Variants in TTC38 observed in about 807,000 individuals in gnomAD.
TTC38 encodes tetratricopeptide repeat domain 38.
TTC38 carries 64 observed loss-of-function variants against 64.2 expected under a neutral mutation model. The observed-to-expected ratio is 1.00, with a 90% confidence interval of 0.81 to 1.23. The LOEUF (loss-of-function observed/expected upper bound fraction) is 1.23, where lower values mean the gene tolerates loss of function less well. Among genes scored for constraint, TTC38 ranks in the 50% most tolerant of loss-of-function variants. The pLI is 0.00. For missense variants in TTC38, 573 were observed against 615.5 expected (o/e 0.93, Z 0.73); for synonymous variants, 254 against 249.3 (o/e 1.02, Z -0.18).
Position 46,271,209 on chromosome 22 carries a change from A to C in TTC38, c.112-1126A>C, listed in dbSNP as rs1021798361. 4.6e-5 allele frequency among the ~76,000 whole-genome samples: 7 copies of C among 152,168 alleles called. No homozygotes were observed. Among genetic ancestry groups the C allele is most frequent in the Non-Finnish European group, 2.9e-5 (2 of 68,026 alleles). ...GCCGATGTGGAGCAGGTCACCTGTC[A>C]GGAGGAACCTGCCTTTTCTTTCTTT... On this transcript the variant is annotated intron_variant, in intron 2 of 13. Transcript: ENST00000381031. The surrounding 1 kb of genome is among the most constrained non-coding windows in gnomAD (Gnocchi z 5.5).
intron 13 of TTC38, among the ~76,000 whole-genome samples, chr22:46,290,465 G>A (rs1170397837): frequency 2.0e-5 from 3 of 152,032 alleles, no homozygotes; most frequent in African/African-American, 7.3e-5. Flanking sequence ...GCATGGGGCT[G>A]GTAGGAGGGT....
rs2077532200 is a variant in TTC38 at position 46,281,237 on chromosome 22, A to C, written c.616-362A>C. Among the ~76,000 whole-genome samples the C allele has an allele frequency of 6.6e-6, 1 of 152,256 alleles. No homozygotes were observed. Among genetic ancestry groups the C allele is most frequent in the African/African-American group, 2.4e-5 (1 of 41,466 alleles). On this transcript the variant is annotated intron_variant, in intron 6 of 13. Coordinates refer to ENST00000381031, the MANE Select transcript of TTC38 (RefSeq NM_017931.4). The surrounding 1 kb of genome is among the most constrained non-coding windows in gnomAD (Gnocchi z 5.2). ...TGGCCTTCCAGGCAGGCGGCAGCTG[A>C]GGCCCAGAGAGGGCGGGTATGTTTT...
rs1457523053 is a variant in TTC38, at chr22:46,269,141, G to A, written c.111+550G>A. 5 of 438,988 alleles carry A rather than the reference G, an allele frequency of 1.1e-5. 1 individual carries two copies. Among genetic ancestry groups the A allele is most frequent in the Middle Eastern group, 6.7e-4 (2 of 2,964 alleles). The allele number at this position is 438,988 out of a possible 1,614,324, so 27.2% of individuals were successfully genotyped here. ...CCTCTGCACTCTCCCTTCTTCCCCA[G>A]GACTCTGAGTGGTGGGTGGACAGCG... On this transcript the variant is annotated intron_variant, in intron 2 of 13. Coordinates refer to ENST00000381031, the MANE Select transcript of TTC38 (RefSeq NM_017931.4).
intron 2 of TTC38, 29 bp downstream of exon 2, chr22:46,268,620 CTTCTGTGGAGG>C (rs1936818292): frequency 6.2e-7 from 1 of 1,609,104 alleles, no homozygotes; most frequent in East Asian, 2.2e-5. Context: ...GCCGCGGCCC[CTTCTGTGGAGG>C]TCTAGGGGAA....
At chr22:46,286,295 A>G (rs905691794) in intron 9 of TTC38, among the ~76,000 whole-genome samples, 7 of 152,152 alleles carry the variant, frequency 4.6e-5, no homozygotes, top group African/African-American at 1.7e-4. Context: ...GGGGATCTAA[A>G]CATCAGAGAA....
Position 46,292,711 on chromosome 22 carries a change from T to C in TTC38, c.1317-80T>C. ...GCCGCAGTCTAGCCTGCCTGTGTTC[T>C]GCCTTGGGACCAAGGGACCACCAGG... On this transcript the variant is annotated intron_variant, in intron 13 of 13. Transcript: ENST00000381031. This position sits in a 1 kb window ranked among gnomAD's most constrained non-coding sequence, Gnocchi z 6.5. The C allele has an allele frequency of 7.7e-7, 1 of 1,300,186 alleles. No homozygotes were observed. The highest frequency in any genetic ancestry group is 1.2e-5 in the South Asian group (1 of 83,372). 80.5% of individuals were successfully genotyped at this position (1,300,186 alleles called of 1,614,324 possible).
In TTC38 at chr22:46,288,432, T is replaced by C; in HGVS notation, c.926T>C (p.Val309Ala). ...LYRLQMEGVSVGQRWQDVLPV... is the reference protein window; with the variant it reads ...LYRLQMEGVSAGQRWQDVLPV... ...CTCCCCATGTCCTCAGGAGTGTCTG[T>C]GGGCCAGCGGTGGCAGGATGTCCTG... The change falls in exon 11 of 14, where the codon GTG (valine) becomes GCG (alanine). Residue 309 changes from valine to alanine, a missense_variant. Val to Ala is a moderately conservative substitution (Grantham distance 64). This residue lies in a region of TTC38 where 371 missense variants were observed against 381.8 expected (regional missense o/e 0.97). Coordinates refer to ENST00000381031, the MANE Select transcript of TTC38 (RefSeq NM_017931.4). The C allele has an allele frequency of 3.1e-6, 5 of 1,613,584 alleles. No homozygotes were observed. The highest frequency in any genetic ancestry group is 4.2e-6 in the Non-Finnish European group (5 of 1,179,692).
chr22:46,281,513 T>A lies in TTC38; in HGVS notation c.616-86T>A. On this transcript the variant is annotated intron_variant, in intron 6 of 13. Coordinates refer to ENST00000381031, the MANE Select transcript of TTC38 (RefSeq NM_017931.4). The surrounding 1 kb of genome is among the most constrained non-coding windows in gnomAD (Gnocchi z 5.2). ...CCACCCCGTTCAGCCCAGGCCCCTCTTGCCCCTTAGAGACCTGCCGTCGCC... is the reference window on the plus strand; with the variant it reads ...CCACCCCGTTCAGCCCAGGCCCCTCATGCCCCTTAGAGACCTGCCGTCGCC... 108 of 1,237,482 alleles carry A rather than the reference T, an allele frequency of 8.7e-5. No homozygotes were observed. Among genetic ancestry groups the A allele is most frequent in the East Asian group, 1.5e-4 (5 of 32,940 alleles). 76.7% of individuals were successfully genotyped at this position (1,237,482 alleles called of 1,614,324 possible).
In TTC38 at chr22:46,291,947, T is replaced by C. The variant is rs564796245; in HGVS notation, c.1317-844T>C. On this transcript the variant is annotated intron_variant, in intron 13 of 13. Coordinates refer to ENST00000381031, the MANE Select transcript of TTC38 (RefSeq NM_017931.4). The surrounding 1 kb of genome is among the most constrained non-coding windows in gnomAD (Gnocchi z 4.6). ...CTCCAGCCTGAGTGACCGAGGGAGATTCTATCTCAAAAAATTAAAAAATAA... is the reference window on the plus strand; with the variant it reads ...CTCCAGCCTGAGTGACCGAGGGAGACTCTATCTCAAAAAATTAAAAAATAA... Among the ~76,000 whole-genome samples the C allele has an allele frequency of 3.3e-4, 49 of 149,132 alleles. 1 individual carries two copies. Among genetic ancestry groups the C allele is most frequent in the African/African-American group, 1.2e-3 (47 of 38,736 alleles).
intron 1 of TTC38, 114 bp downstream of exon 1, chr22:46,268,186 C>T: frequency 8.2e-7 from 1 of 1,222,944 alleles, no homozygotes; most frequent in Non-Finnish European, 1.1e-6. Context: ...GGGGTGAGCC[C>T]TGGGCGCACG....
At position 46,274,134 on chromosome 22, in the gene TTC38, C is replaced by T; in HGVS notation, c.365+65C>T. The T allele has an allele frequency of 7.1e-7, 1 of 1,414,316 alleles. No individual in the cohort carries two copies. Among genetic ancestry groups the T allele is most frequent in the Non-Finnish European group, 9.9e-7 (1 of 1,014,622 alleles). The allele number at this position is 1,414,316 out of a possible 1,614,324, so 87.6% of individuals were successfully genotyped here. A position where few individuals can be genotyped will look rare whatever the true frequency, so the allele number is the denominator to read the frequency against. ...CTGAGCTGGGGGAGTGGCAGGGTATCCCTTTCCTGATGCCCTTGGGACGGG... is the reference window on the plus strand; with the variant it reads ...CTGAGCTGGGGGAGTGGCAGGGTATTCCTTTCCTGATGCCCTTGGGACGGG... On this transcript the variant is annotated intron_variant, in intron 4 of 13. Coordinates refer to ENST00000381031, the MANE Select transcript of TTC38 (RefSeq NM_017931.4). This position sits in a 1 kb window ranked among gnomAD's most constrained non-coding sequence, Gnocchi z 4.8.
At position 46,275,755 on chromosome 22, in the gene TTC38, A is replaced by G. The variant is rs543867479; in HGVS notation, c.539+334A>G. ...TAGAAGGGCTGAGGGCTCTGCCACC[A>G]TGTCCTTGTCTCCATCTGGGATCCC... is the stretch of plus-strand genomic sequence containing the variant. On this transcript the variant is annotated intron_variant, in intron 5 of 13. Transcript: ENST00000381031. The surrounding 1 kb of genome is among the most constrained non-coding windows in gnomAD (Gnocchi z 4.5). Among the ~76,000 whole-genome samples the G allele has an allele frequency of 4.9e-4, 74 of 152,312 alleles. No homozygotes were observed. Among genetic ancestry groups the G allele is most frequent in the African/African-American group, 1.7e-3 (70 of 41,572 alleles).
intron 2 of TTC38, chr22:46,269,096 C>CCG (rs1555886061): frequency 1.3e-4 from 56 of 416,430 alleles, no homozygotes; most frequent in African/African-American, 1.3e-3. Context: ...CTGCCCCCCC[C>CCG]CCACAGCGTC....
rs767463283 is a variant in TTC38, at chr22:46,275,832, CAAGCTT to C, written c.539+412_539+417del. Among the ~76,000 whole-genome samples, 3 of 152,164 alleles carry C rather than the reference CAAGCTT, an allele frequency of 2.0e-5. No individual in the cohort carries two copies. The highest frequency in any genetic ancestry group is 4.4e-5 in the Non-Finnish European group (3 of 68,028). On this transcript the variant is annotated intron_variant, in intron 5 of 13. Transcript: ENST00000381031. The surrounding 1 kb of genome is among the most constrained non-coding windows in gnomAD (Gnocchi z 4.5). Reference sequence around the variant, plus strand: ...CATACCTGTCACTAAGAGGGAAAAGCAAGCTTTCCTTGGGGGGCTTACAATGGCAAT... The same window carrying C: ...CATACCTGTCACTAAGAGGGAAAAGCTCCTTGGGGGGCTTACAATGGCAAT...
At position 46,292,276 on chromosome 22, in the gene TTC38, T is replaced by G; in HGVS notation, c.1317-515T>G. ...ACAGTTCACTGTAAACTCAAACTCCTGGGCTCAAGGAATCTTCCTGCCTCA... is the reference window on the plus strand; with the variant it reads ...ACAGTTCACTGTAAACTCAAACTCCGGGGCTCAAGGAATCTTCCTGCCTCA... On this transcript the variant is annotated intron_variant, in intron 13 of 13. Coordinates refer to ENST00000381031, the MANE Select transcript of TTC38 (RefSeq NM_017931.4). This position sits in a 1 kb window ranked among gnomAD's most constrained non-coding sequence, Gnocchi z 6.5. 1 of 429,192 alleles carries G rather than the reference T, an allele frequency of 2.3e-6. No individual in the cohort carries two copies. Among genetic ancestry groups the G allele is most frequent in the Non-Finnish European group, 4.6e-6 (1 of 216,884 alleles). 26.6% of individuals were successfully genotyped at this position (429,192 alleles called of 1,614,324 possible). A position where few individuals can be genotyped will look rare whatever the true frequency, so the allele number is the denominator to read the frequency against.
chr22:46,283,097 TA>T (rs145889013), intron 7 of TTC38, among the ~76,000 whole-genome samples: 6 of 151,808 alleles, frequency 4.0e-5, no homozygotes, highest in Admixed American at 1.3e-4. Flanking sequence ...CCTGGCTAAT[TA>T]AAAAAATTTT....
chr22:46,268,724 G>C, intron 2 of TTC38, 133 bp downstream of exon 2: 1 of 878,168 alleles, frequency 1.1e-6, no homozygotes, highest in Non-Finnish European at 1.7e-6. Flanking sequence ...TCGCTCTGTC[G>C]CCCAGGCTGG....
At chr22:46,269,126 C>T (rs1936836432) in intron 2 of TTC38, 3 of 438,632 alleles carry the variant, frequency 6.8e-6, no homozygotes, top group East Asian at 1.6e-4. Context: ...CCTCTGCACT[C>T]TCCCTTCTTC....
rs2077615325 is a variant in TTC38, at chr22:46,291,512, C to T, written c.1317-1279C>T. On this transcript the variant is annotated intron_variant, in intron 13 of 13. Transcript: ENST00000381031. This position sits in a 1 kb window ranked among gnomAD's most constrained non-coding sequence, Gnocchi z 4.6. The stretch of plus-strand genomic sequence containing the variant: ...GGGCCATCAGCACAGCTCACCAGCC[C>T]CCAAGGTGGGAAACCTTCCACCCAC... Among the ~76,000 whole-genome samples the T allele has an allele frequency of 6.6e-6, 1 of 152,174 alleles. No individual in the cohort carries two copies. Among genetic ancestry groups the T allele is most frequent in the Admixed American group, 6.5e-5 (1 of 15,282 alleles).
Sources: allele counts gnomAD v4.1 joint callset (sites outside exome capture counted in the v4.1 genomes callset), GRCh38; gene constraint gnomAD v4.1.1; regional missense constraint gnomAD v4.1.1; non-coding constraint Gnocchi (gnomAD v3.1); transcripts MANE v1.5; gene names NCBI Gene and HGNC (gene_info 2026-07-23, HGNC 2026-07-21).